The following FECH variants were observed in gnomAD, a reference collection of about 807,000 sequenced individuals.
FECH encodes ferrochelatase, also known as ferrochelatase, mitochondrial.
FECH carries 40 observed loss-of-function variants against 56.9 expected under a neutral mutation model. The observed-to-expected ratio is 0.70, with a 90% CI of 0.55 to 0.92. The LOEUF is 0.92. FECH is among the 40% of genes least tolerant of loss of function. The pLI is 0.00. For synonymous variants in FECH, 175 were observed against 198.6 expected (o/e 0.88, Z 1.00); for missense variants, 431 against 529.1 (o/e 0.81, Z 1.82).
chr18:57,567,973 T>C (rs1410807158), intron 4 of FECH: 1 of 152,218 alleles, frequency 6.6e-6, no homozygotes, highest in African/African-American at 2.4e-5. Context: ...AAATGGTCAC[T>C]AGCAGTTAAA....
At chr18:57,571,256 G>C in intron 4 of FECH, 136 bp downstream of exon 4, 1 of 890,474 alleles carries the variant, frequency 1.1e-6, no homozygotes, top group East Asian at 2.6e-5. Flanking sequence ...TAAATTAAGT[G>C]ACCATGTATT....
At chr18:57,582,603 A>C (rs1442333451) in intron 1 of FECH, among the ~76,000 whole-genome samples, 1 of 151,790 alleles carries the variant, frequency 6.6e-6, no homozygotes, top group Non-Finnish European at 1.5e-5. Flanking sequence ...GTTTCTACAC[A>C]AAATTTAAGG....
chr18:57,566,445 A>AC lies in FECH; in HGVS notation c.598+1dup. 6.2e-7 allele frequency: 1 copy of AC among 1,614,128 alleles called. No individual in the cohort carries two copies. Among genetic ancestry groups the AC allele is most frequent in the Non-Finnish European group, 8.5e-7 (1 of 1,180,000 alleles). On this transcript the variant is annotated splice_donor_variant, in intron 5 of 10. Coordinates refer to ENST00000262093, the MANE Select transcript of FECH (RefSeq NM_000140.5). LOFTEE classifies it high-confidence loss of function. ...TTTCCACTGTCAGAGAGATGCCCTTACCTGTGGTGGAGCAGCTGTACTGTG... is the reference window on the plus strand; with the variant it reads ...TTTCCACTGTCAGAGAGATGCCCTTACCCTGTGGTGGAGCAGCTGTACTGTG...
chr18:57,560,757 C>A (rs1348001596), intron 6 of FECH, among the ~76,000 whole-genome samples: 1 of 152,072 alleles, frequency 6.6e-6, no homozygotes, highest in Non-Finnish European at 1.5e-5. Flanking sequence ...TCTAAATGGT[C>A]CTTTGTAACT....
rs142499590 is a variant in FECH, at chr18:57,551,920, G to C, written c.1078-546C>G. 2.1e-5 allele frequency among the ~76,000 whole-genome samples: 3 copies of C among 145,914 alleles called. No homozygotes were observed. The East Asian group carries it at 6.0e-4, about 29-fold the overall frequency. On this transcript the variant is annotated intron_variant, in intron 9 of 10. Transcript: ENST00000262093. ...TTTTTTTGAGATGGAGTCTTGCTCT[G>C]TCACCCAGGCTGGAGTGCAGTGGCG...
At chr18:57,579,093 C>T (rs1431962290) in intron 2 of FECH, among the ~76,000 whole-genome samples, 1 of 151,296 alleles carries the variant, frequency 6.6e-6, no homozygotes, top group Admixed American at 6.6e-5. Context: ...ACTAAAAATA[C>T]AAAAATTAGC....
chr18:57,570,032 CGTGTGTGTGTGTGTGTGTGTGTGTGTGT>C (rs10608112), intron 4 of FECH, among the ~76,000 whole-genome samples: 20,872 of 122,772 alleles, frequency 0.17, 1,694 homozygotes, highest in Non-Finnish European at 0.21. Flanking sequence ...TTGTTGTTGT[CGTGTGTGTGTGTGTGTGTGTGTGTGTGT>C]GTGTGTGTGT....
chr18:57,546,293 C>T lies in FECH; in HGVS notation c.*4419G>A. Among the ~76,000 whole-genome samples the T allele has an allele frequency of 6.6e-6, 1 of 152,174 alleles. No individual in the cohort carries two copies. Among genetic ancestry groups the T allele is most frequent in the South Asian group, 2.1e-4 (1 of 4,830 alleles). On this transcript the variant is annotated 3_prime_UTR_variant, in exon 11 of 11. Transcript: ENST00000262093. ...ACACATAGACGTTCGCTTACAGCTGCCAGCTTTAAATTCTGCCTTCCCGCT... is the reference window on the plus strand; with the variant it reads ...ACACATAGACGTTCGCTTACAGCTGTCAGCTTTAAATTCTGCCTTCCCGCT...
In FECH at chr18:57,554,875, G is replaced by A. The variant is rs1484853258; in HGVS notation, c.882C>T (p.Cys294=). 2.5e-6 allele frequency: 4 copies of A among 1,614,056 alleles called. No individual in the cohort carries two copies. Among genetic ancestry groups the A allele is most frequent in the African/African-American group, 2.7e-5 (2 of 74,944 alleles). Residue 294 remains cysteine (C), a synonymous_variant, in exon 8 of 11, where the codon TGC becomes TGT. Coordinates refer to ENST00000262093, the MANE Select transcript of FECH (RefSeq NM_000140.5). The part of the protein sequence containing the change: ...VQKVMERLEY[C]NPYRLVWQSK... ...ATTGCCACACCAGTCGGTAGGGGTT[G>A]CAGTACTCCAGCCTTTCCATGACTT...
At chr18:57,556,846 G>A (rs746870439) in intron 7 of FECH, among the ~76,000 whole-genome samples, 7 of 149,094 alleles carry the variant, frequency 4.7e-5, no homozygotes, top group Non-Finnish European at 1.0e-4. Context: ...GGTAGGTCGA[G>A]GCTGCAGTGA....
intron 5 of FECH, among the ~76,000 whole-genome samples, chr18:57,564,107 A>G (rs953509508): frequency 6.6e-6 from 1 of 152,100 alleles, no homozygotes; most frequent in Non-Finnish European, 1.5e-5. Context: ...CAAACTCCCA[A>G]CCTCAGGTGA....
chr18:57,571,289 G>A (rs2051101298), intron 4 of FECH, 103 bp downstream of exon 4: 2 of 1,217,376 alleles, frequency 1.6e-6, no homozygotes, highest in African/African-American at 3.0e-5. Context: ...CACAAATTGA[G>A]TTGCCAGTAC....
At position 57,571,504 on chromosome 18, in the gene FECH, G is replaced by A. The variant is rs572493638; in HGVS notation, c.351C>T (p.Pro117=). The part of the protein sequence containing the change: ...LAPFIAKRRT[P]KIQEQYRRIG... ...TCCTGCGGTACTGCTCTTGAATCTT[G>A]GGGGTTCGGCGTTTGGCGATGAATG... is the stretch of plus-strand genomic sequence containing the variant. Residue 117 remains proline, a synonymous_variant, in exon 4 of 11, where the codon CCC becomes CCT. Transcript: ENST00000262093. The A allele has an allele frequency of 2.5e-6, 4 of 1,613,982 alleles. No homozygotes were observed. In the African/African-American group the frequency reaches 4.0e-5, roughly 16 times the overall value.
At chr18:57,573,557 C>T (rs2051145068) in intron 2 of FECH, among the ~76,000 whole-genome samples, 192 bp from the exon 3 acceptor site, 1 of 152,200 alleles carries the variant, frequency 6.6e-6, no homozygotes, top group Non-Finnish European at 1.5e-5. Flanking sequence ...CCAGCTCAGA[C>T]TTGGACCTTT....
Position 57,580,083 on chromosome 18 carries a change from G to A in FECH, c.184C>T (p.Pro62Ser). The A allele has an allele frequency of 6.2e-7, 1 of 1,614,072 alleles. No individual in the cohort carries two copies. ...HAQGAKPQVQ[P>S]QKRKPKTGIL... ...ATGTTAGACTCATACCTCTTCTGCG[G>A]TTGAACTTGAGGTTTTGCACCCTGG... Residue 62 changes from proline to serine, a missense_variant, in exon 2 of 11, where the codon CCG (proline) becomes TCG (serine). Pro to Ser is a moderately conservative substitution (Grantham distance 74, BLOSUM62 -1). Coordinates refer to ENST00000262093, the MANE Select transcript of FECH (RefSeq NM_000140.5).
intron 5 of FECH, among the ~76,000 whole-genome samples, 174 bp from the exon 6 acceptor site, chr18:57,563,154 A>G (rs946347528): frequency 6.6e-6 from 1 of 152,258 alleles, no homozygotes; most frequent in Non-Finnish European, 1.5e-5. Context: ...CTACCCTGCA[A>G]ATGAAGATCA....
intron 7 of FECH, among the ~76,000 whole-genome samples, chr18:57,558,708 T>C (rs945796379): frequency 9.2e-5 from 14 of 152,088 alleles, no homozygotes; most frequent in African/African-American, 3.4e-4. Flanking sequence ...TCACCTAAGG[T>C]CAGGAGTTTG....
chr18:57,575,384 T>C (rs2051170883), intron 2 of FECH, among the ~76,000 whole-genome samples: 1 of 152,196 alleles, frequency 6.6e-6, no homozygotes, highest in South Asian at 2.1e-4. Flanking sequence ...AGACAGAGCC[T>C]GTATAGAGAA....
At chr18:57,559,824 G>A (rs902907766) in intron 6 of FECH, among the ~76,000 whole-genome samples, 3 of 152,072 alleles carry the variant, frequency 2.0e-5, no homozygotes, top group Non-Finnish European at 4.4e-5. Flanking sequence ...AATTCACAGA[G>A]CCGGGAAAGA....
Sources: gnomAD v4.1 joint callset for allele counts (sites outside exome capture counted in the v4.1 genomes callset) on GRCh38, gnomAD v4.1.1 for gene constraint, MANE v1.5 for transcripts, NCBI Gene and HGNC (gene_info 2026-07-23, HGNC 2026-07-21) for gene names.